The following GALNTL6 variants were observed in gnomAD, a reference collection of about 807,000 sequenced individuals.
The protein encoded by GALNTL6 is polypeptide N-acetylgalactosaminyltransferase like 6.
In GALNTL6, 46 loss-of-function variants were observed where a neutral mutation model predicts 73.7. The ratio of observed to expected loss-of-function variants is 0.62; its 90% CI spans 0.49 to 0.80. The LOEUF (loss-of-function observed/expected upper bound fraction) is 0.80, where lower values mean the gene tolerates loss of function less well. Ranked by LOEUF, GALNTL6 falls within the 30% of genes least tolerant of loss-of-function variation. The pLI is 0.00. For missense variants in GALNTL6, 604 were observed against 755.0 expected (o/e 0.80, Z 2.34); for synonymous variants, 259 against 263.7 (o/e 0.98, Z 0.17).
rs191957274 is a variant in GALNTL6 at position 172,309,928 on chromosome 4, C to T, written c.248-1686C>T. 4.6e-5 allele frequency among the ~76,000 whole-genome samples: 7 copies of T among 151,928 alleles called. No individual in the cohort carries two copies. In the East Asian group the frequency reaches 1.4e-3, roughly 29 times the overall value. The stretch of plus-strand genomic sequence containing the variant: ...AAAGAATGAAAATTGTATAAAACGC[C>T]ACTGAGGTCCAAAAGCAGAACACTT... On this transcript the variant is annotated intron_variant, in intron 3 of 12. Coordinates refer to ENST00000506823, the MANE Select transcript of GALNTL6 (RefSeq NM_001034845.3).
At chr4:172,097,845 G>C (rs1732399624) in intron 2 of GALNTL6, among the ~76,000 whole-genome samples, 1 of 152,072 alleles carries the variant, frequency 6.6e-6, no homozygotes, top group African/African-American at 2.4e-5. Flanking sequence ...ACGTCAGTCA[G>C]CATGTTTGCT....
chr4:172,868,720 C>G (rs1264107587), intron 7 of GALNTL6, among the ~76,000 whole-genome samples: 1 of 152,150 alleles, frequency 6.6e-6, no homozygotes, highest in Admixed American at 6.6e-5. Flanking sequence ...CCCGTGGGAC[C>G]CAATTCCTGT....
At position 172,311,752 on chromosome 4, in the gene GALNTL6, A is replaced by G; in HGVS notation, c.386A>G (p.Asn129Ser). ...ERSLPDIRHA[N>S]CKHKMYLERL... ...TCTCTGCCAGATATTCGTCATGCTA[A>G]GTGAGTATCAGCATATCAGTGATCA... is the stretch of plus-strand genomic sequence containing the variant. The change falls in exon 4 of 13, where the codon AAC (asparagine) becomes AGC (serine). Residue 129 changes from asparagine to serine, a missense_variant and splice_region_variant. Physicochemically the swap from Asn to Ser is conservative, Grantham distance 46 (BLOSUM62 1). Around this residue, in one of 5 missense-constraint regions of GALNTL6, gnomAD observed 141 missense variants for 156.6 expected, o/e 0.90. Transcript: ENST00000506823. 1 of 1,585,378 alleles carries G rather than the reference A, an allele frequency of 6.3e-7. No homozygotes were observed. Among genetic ancestry groups the G allele is most frequent in the Non-Finnish European group, 8.6e-7 (1 of 1,163,412 alleles).
intron 2 of GALNTL6, among the ~76,000 whole-genome samples, chr4:171,944,203 C>A (rs1012351696): frequency 3.5e-4 from 53 of 151,886 alleles, no homozygotes; most frequent in Admixed American, 1.3e-3. Flanking sequence ...GAAGATCCAC[C>A]CCCAGATGTC....
intron 5 of GALNTL6, among the ~76,000 whole-genome samples, chr4:172,363,114 A>T (rs1419444813): frequency 1.3e-5 from 2 of 152,170 alleles, no homozygotes; most frequent in African/African-American, 2.4e-5. Flanking sequence ...TCTCTAGTTC[A>T]TCTTTCTCTA....
At chr4:172,244,120 T>C (rs186834811) in intron 3 of GALNTL6, among the ~76,000 whole-genome samples, 1 of 152,310 alleles carries the variant, frequency 6.6e-6, no homozygotes, top group East Asian at 1.9e-4. Flanking sequence ...CTTTGGGAGG[T>C]ATTACCAAAA....
chr4:172,157,251 A>C (rs941097723), intron 2 of GALNTL6, among the ~76,000 whole-genome samples: 7 of 152,200 alleles, frequency 4.6e-5, no homozygotes, highest in Admixed American at 1.3e-4. Flanking sequence ...GCAAGATAGA[A>C]AACTATATCG....
intron 5 of GALNTL6, among the ~76,000 whole-genome samples, chr4:172,492,451 T>C (rs1733931271): frequency 6.6e-6 from 1 of 152,176 alleles, no homozygotes; most frequent in Admixed American, 6.6e-5. Flanking sequence ...ACATGTACAA[T>C]AGTATTCAAT....
intron 5 of GALNTL6, chr4:172,379,959 A>C (rs1255775609): frequency 1.9e-5 from 14 of 739,248 alleles, no homozygotes; most frequent in Non-Finnish European, 2.8e-5. Flanking sequence ...TTGTCCATTA[A>C]ATGTAAACCA....
intron 4 of GALNTL6, among the ~76,000 whole-genome samples, chr4:172,312,153 A>G (rs1180203589): frequency 2.0e-5 from 3 of 152,184 alleles, no homozygotes; most frequent in Non-Finnish European, 1.5e-5. Flanking sequence ...ATTTAGTGCC[A>G]TGGTTGTTGC....
intron 5 of GALNTL6, among the ~76,000 whole-genome samples, chr4:172,353,144 A>G (rs1361485700): frequency 6.6e-6 from 1 of 152,088 alleles, no homozygotes; most frequent in Non-Finnish European, 1.5e-5. Context: ...ATGCATTTTA[A>G]AATTGGGGTT....
rs369361416 is a variant in GALNTL6, at chr4:172,454,914, G to A, written c.553+106225G>A. On this transcript the variant is annotated intron_variant, in intron 5 of 12. Coordinates refer to ENST00000506823, the MANE Select transcript of GALNTL6 (RefSeq NM_001034845.3). ...ATTTTTTTTTAAAGATTTTTTTTCA[G>A]TGCCTGGCAAGATGGCCAAATAGGA... 7.2e-5 allele frequency among the ~76,000 whole-genome samples: 11 copies of A among 152,002 alleles called. No individual in the cohort carries two copies. In the East Asian group the frequency reaches 1.9e-3, roughly 27 times the overall value.
intron 5 of GALNTL6, among the ~76,000 whole-genome samples, chr4:172,623,392 A>G (rs765224021): frequency 6.6e-6 from 1 of 152,150 alleles, no homozygotes; most frequent in African/African-American, 2.4e-5. Context: ...TAGAAGAAAG[A>G]TGAAAGAAGA....
chr4:172,551,505 T>A (rs751126625), intron 5 of GALNTL6, among the ~76,000 whole-genome samples: 1 of 152,152 alleles, frequency 6.6e-6, no homozygotes, highest in Non-Finnish European at 1.5e-5. Context: ...GTCCATTTGA[T>A]CTTTAAATTT....
intron 2 of GALNTL6, among the ~76,000 whole-genome samples, chr4:171,980,667 G>A (rs1739868669): frequency 6.6e-6 from 1 of 152,202 alleles, no homozygotes; most frequent in Non-Finnish European, 1.5e-5. Flanking sequence ...CAGTGTTCTT[G>A]TGTTCTTGTT....
At chr4:172,719,713 G>A (rs1351361295) in intron 5 of GALNTL6, among the ~76,000 whole-genome samples, 1 of 152,086 alleles carries the variant, frequency 6.6e-6, no homozygotes, top group Non-Finnish European at 1.5e-5. Context: ...CAGACCCCAA[G>A]AGAGGGTTCT....
chr4:172,900,078 G>C (rs1041766904), intron 8 of GALNTL6, among the ~76,000 whole-genome samples: 3 of 152,094 alleles, frequency 2.0e-5, no homozygotes, highest in Non-Finnish European at 2.9e-5. Flanking sequence ...CAGCCCAGTA[G>C]GTCTCAGCCT....
chr4:172,095,491 C>G (rs973615657), intron 2 of GALNTL6, among the ~76,000 whole-genome samples: 21 of 152,108 alleles, frequency 1.4e-4, no homozygotes, highest in Non-Finnish European at 1.5e-5. Flanking sequence ...ATTAATCAAA[C>G]AGGAAAAAGC....
intron 5 of GALNTL6, among the ~76,000 whole-genome samples, chr4:172,371,775 C>T (rs576639557): frequency 3.9e-5 from 6 of 152,076 alleles, no homozygotes; most frequent in African/African-American, 1.2e-4. Context: ...CTTTCCCTGC[C>T]TCTGCCAGCT....
Sources: gnomAD v4.1 joint callset for allele counts (sites outside exome capture counted in the v4.1 genomes callset) on GRCh38, gnomAD v4.1.1 for gene constraint, gnomAD v4.1.1 regional missense constraint, MANE v1.5 for transcripts, NCBI Gene and HGNC (gene_info 2026-07-23, HGNC 2026-07-21) for gene names.